The following RBFOX1 variants were observed in gnomAD, a reference collection of about 807,000 sequenced individuals.
RBFOX1 encodes RNA binding fox-1 homolog 1, also known as RNA binding protein fox-1 homolog 1.
In RBFOX1, 8 loss-of-function variants were observed where a neutral mutation model predicts 57.7. The observed-to-expected ratio is 0.14, with a 90% confidence interval of 0.08 to 0.25. The LOEUF (loss-of-function observed/expected upper bound fraction) is 0.25. Ranked by LOEUF, RBFOX1 falls within the 10% of genes least tolerant of loss-of-function variation. The probability of loss-of-function intolerance (pLI) is 1.00; values close to 1 mark genes in which losing one functional copy is unlikely to be tolerated. For missense variants in RBFOX1, 611 were observed against 548.5 expected, an observed-to-expected ratio of 1.11 and a Z score of -1.14; for synonymous variants, 326 against 222.4, an observed-to-expected ratio of 1.47 and a Z score of -4.15.
intron 3 of RBFOX1, among the ~76,000 whole-genome samples, chr16:5,672,918 G>A (rs566903307): frequency 1.3e-5 from 2 of 151,840 alleles, no homozygotes; most frequent in African/African-American, 4.8e-5. Context: ...ATAATTAATA[G>A]TAGTTCATTC....
In RBFOX1 at chr16:6,304,173, G is replaced by A. The variant is rs182434721; in HGVS notation, c.-126-12822G>A. On this transcript the variant is annotated intron_variant, in intron 1 of 15. Transcript: ENST00000550418. ...CGTGGTGGCAGGTGCCTGTAGTCCC[G>A]GCTATTCAGGAGGCTGAGGAAGGAG... Among the ~76,000 whole-genome samples the A allele has an allele frequency of 9.2e-3, 1,391 of 151,680 alleles. 26 individuals are homozygous for A. Among genetic ancestry groups the A allele is most frequent in the African/African-American group, 0.03 (1,237 of 41,386 alleles).
At chr16:5,608,715 T>C (rs1321652443) in intron 3 of RBFOX1, among the ~76,000 whole-genome samples, 1 of 152,228 alleles carries the variant, frequency 6.6e-6, no homozygotes, top group Non-Finnish European at 1.5e-5. Flanking sequence ...GTTGTAGGGC[T>C]AACAGTTGTG....
At chr16:7,091,843 T>A (rs2060913467) in intron 4 of RBFOX1, among the ~76,000 whole-genome samples, 1 of 152,232 alleles carries the variant, frequency 6.6e-6, no homozygotes, top group African/African-American at 2.4e-5. Flanking sequence ...TTGTAGATTC[T>A]ATGTGGATCA....
chr16:7,595,203 CATT>C (rs1477031793), intron 7 of RBFOX1, among the ~76,000 whole-genome samples: 1 of 152,048 alleles, frequency 6.6e-6, no homozygotes, highest in Non-Finnish European at 1.5e-5. Context: ...TTCTTTTCCT[CATT>C]ATTTCATTTT....
intron 2 of RBFOX1, among the ~76,000 whole-genome samples, chr16:6,581,255 C>T (rs1048076355): frequency 2.6e-5 from 4 of 152,088 alleles, no homozygotes; most frequent in African/African-American, 9.7e-5. Flanking sequence ...AAAGTCTGGC[C>T]ACTTTAGAAT....
chr16:6,575,862 A>T (rs931825164), intron 2 of RBFOX1, among the ~76,000 whole-genome samples: 1 of 145,444 alleles, frequency 6.9e-6, no homozygotes, highest in East Asian at 2.1e-4. Context: ...ATCTCAATAA[A>T]AAATAAATAA....
intron 4 of RBFOX1, among the ~76,000 whole-genome samples, chr16:7,489,721 A>G (rs141468926): frequency 6.9e-6 from 1 of 145,846 alleles, no homozygotes; most frequent in South Asian, 2.2e-4. Flanking sequence ...TTTTTTTTTT[A>G]TGTTGTTCCG....
At chr16:6,066,677 C>T (rs371522765) in intron 1 of RBFOX1, among the ~76,000 whole-genome samples, 193 of 152,118 alleles carry the variant, frequency 1.3e-3, no homozygotes, top group African/African-American at 4.3e-3. Flanking sequence ...GGAAGTCTCC[C>T]GAAATAGATG....
At chr16:5,556,050 C>G (rs2151094387) in intron 2 of RBFOX1, among the ~76,000 whole-genome samples, 1 of 151,150 alleles carries the variant, frequency 6.6e-6, no homozygotes, top group Middle Eastern at 3.4e-3. Flanking sequence ...CAAACAAAGA[C>G]AAACAACGAC....
intron 2 of RBFOX1, among the ~76,000 whole-genome samples, chr16:6,523,134 A>G (rs1052878979): frequency 1.3e-5 from 2 of 152,180 alleles, no homozygotes; most frequent in Non-Finnish European, 2.9e-5. Flanking sequence ...TTTTCTGCCA[A>G]CTGGAACGTA....
chr16:6,399,506 C>G (rs1183248970), intron 2 of RBFOX1, among the ~76,000 whole-genome samples: 3 of 152,152 alleles, frequency 2.0e-5, no homozygotes, highest in Admixed American at 6.6e-5. Context: ...TCATCTCCAT[C>G]TGAGACCACC....
chr16:5,898,867 C>A (rs1346959415), intron 4 of RBFOX1, among the ~76,000 whole-genome samples: 4 of 150,552 alleles, frequency 2.7e-5, no homozygotes, highest in African/African-American at 9.8e-5. Context: ...TGAGATCAGC[C>A]TGGGCAACAT....
rs766931586 is a variant in RBFOX1 at position 6,008,940 on chromosome 16, C to T, written c.351+141605C>T. On this transcript the variant is annotated intron_variant, in intron 4 of 19. Transcript: ENST00000641259. ...GGAAGAGGTAGAGAAATCAAATAGA[C>T]GGATGGCTTTCTCATTGACAGCCTC... Among the ~76,000 whole-genome samples, 59 of 152,266 alleles carry T rather than the reference C, an allele frequency of 3.9e-4. 1 individual carries two copies. The Middle Eastern group carries it at 0.01, about 26-fold the overall frequency.
chr16:6,068,040 T>G (rs562325763), intron 1 of RBFOX1, among the ~76,000 whole-genome samples: 1 of 152,370 alleles, frequency 6.6e-6, no homozygotes, highest in East Asian at 1.9e-4. Context: ...GATTTTCTTT[T>G]ATTCTCAGAG....
chr16:6,091,020 C>T (rs2096164419), intron 1 of RBFOX1, among the ~76,000 whole-genome samples: 1 of 152,358 alleles, frequency 6.6e-6, no homozygotes, highest in South Asian at 2.1e-4. Context: ...TTAAGATATT[C>T]ATCGCTTTGA....
At chr16:5,878,953 C>T (rs1170004491) in intron 4 of RBFOX1, among the ~76,000 whole-genome samples, 3 of 152,158 alleles carry the variant, frequency 2.0e-5, no homozygotes, top group East Asian at 1.9e-4. Context: ...ACATCTGACG[C>T]GTTTTACATG....
chr16:5,418,110 T>A (rs2341489), intron 1 of RBFOX1, among the ~76,000 whole-genome samples: 75,464 of 149,086 alleles, frequency 0.51, 19,869 homozygotes, highest in East Asian at 0.65. Context: ...AACAAATCTG[T>A]AAACTATGCA....
chr16:5,790,946 G>A (rs1387250996), intron 3 of RBFOX1, among the ~76,000 whole-genome samples: 2 of 149,508 alleles, frequency 1.3e-5, no homozygotes, highest in African/African-American at 4.9e-5. Flanking sequence ...TCGGCACACT[G>A]CAACCTCTGC....
At chr16:6,967,658 T>C (rs570073119) in intron 3 of RBFOX1, among the ~76,000 whole-genome samples, 1 of 151,980 alleles carries the variant, frequency 6.6e-6, no homozygotes, top group Non-Finnish European at 1.5e-5. Flanking sequence ...GTTCAGTAAT[T>C]ATATTGCTCT....
Sources: allele counts gnomAD v4.1 joint callset (sites outside exome capture counted in the v4.1 genomes callset), GRCh38; gene constraint gnomAD v4.1.1; transcripts MANE v1.5; gene names NCBI Gene and HGNC (gene_info 2026-07-23, HGNC 2026-07-21).